NBAS: variants seen among roughly 807,000 people sequenced by gnomAD.
The protein encoded by NBAS is NAG/BC035112 fusion.
NBAS carries 219 observed loss-of-function variants against 302.5 expected under a neutral mutation model. The ratio of observed to expected loss-of-function variants is 0.72; its 90% CI spans 0.65 to 0.81. The LOEUF is 0.81. NBAS is among the 30% of genes least tolerant of loss of function. NBAS has a pLI of 0.00. For synonymous variants in NBAS, 1,118 were observed against 1,021.6 expected, an observed-to-expected ratio of 1.09 and a Z score of -1.80; for missense variants, 2,932 against 2,841.6, an observed-to-expected ratio of 1.03 and a Z score of -0.72.
chr2:15,071,566 G>C, the NBAS span, among the ~76,000 whole-genome samples: 1 of 151,024 alleles, frequency 6.6e-6, no homozygotes, highest in African/African-American at 2.4e-5. Context: ...GGAGGTTGCA[G>C]TGAGCTGAGA....
At chr2:15,497,565 G>T (rs1305885985) in intron 11 of NBAS, among the ~76,000 whole-genome samples, 1 of 152,176 alleles carries the variant, frequency 6.6e-6, no homozygotes, top group Non-Finnish European at 1.5e-5. Context: ...GAAGAAAAAT[G>T]AGAAGCTATC....
At chr2:15,022,477 C>G in the NBAS span, among the ~76,000 whole-genome samples, 2 of 152,130 alleles carry the variant, frequency 1.3e-5, no homozygotes, top group Non-Finnish European at 2.9e-5. Flanking sequence ...CTTACTTAAC[C>G]TTTTCAACTA....
chr2:15,070,611 C>T, the NBAS span, among the ~76,000 whole-genome samples: 1 of 152,152 alleles, frequency 6.6e-6, no homozygotes, highest in East Asian at 1.9e-4. Context: ...TAGCAACACT[C>T]ATTCCCTTCC....
At chr2:15,041,140 C>T in the NBAS span, among the ~76,000 whole-genome samples, 256 of 152,320 alleles carry the variant, frequency 1.7e-3, 2 homozygotes, top group African/African-American at 5.7e-3. Flanking sequence ...TCAAGCCAGA[C>T]GGAGCTACCT....
chr2:15,377,851 T>C (rs1466074103), intron 30 of NBAS, among the ~76,000 whole-genome samples: 2 of 152,222 alleles, frequency 1.3e-5, no homozygotes, highest in African/African-American at 4.8e-5. Context: ...TGTAAAACTA[T>C]ATACAGGTAT....
chr2:14,916,034 G>A, the NBAS span, among the ~76,000 whole-genome samples: 1 of 152,050 alleles, frequency 6.6e-6, no homozygotes, highest in Non-Finnish European at 1.5e-5. Context: ...CCCAGTCTCA[G>A]GTATGTCTTT....
intron 40 of NBAS, among the ~76,000 whole-genome samples, chr2:15,306,625 C>T (rs889570860): frequency 1.3e-5 from 2 of 151,986 alleles, no homozygotes. Flanking sequence ...AAATATAAGA[C>T]CTGGAAATAA....
intron 31 of NBAS, 75 bp from the exon 32 acceptor site, chr2:15,366,768 G>A: frequency 1.5e-6 from 2 of 1,340,704 alleles, no homozygotes; most frequent in Non-Finnish European, 2.1e-6. Flanking sequence ...CCTAATGCAA[G>A]GCATCCAAAG....
intron 48 of NBAS, among the ~76,000 whole-genome samples, chr2:15,191,826 G>GAC (rs1204623518): frequency 6.6e-6 from 1 of 152,092 alleles, no homozygotes; most frequent in Non-Finnish European, 1.5e-5. Flanking sequence ...AAAAACTCAA[G>GAC]ACATCCATCC....
the NBAS span, among the ~76,000 whole-genome samples, chr2:15,117,698 C>A: frequency 5.9e-5 from 9 of 152,286 alleles, no homozygotes; most frequent in Non-Finnish European, 1.3e-4. Context: ...TGTTCATGGA[C>A]TCCTTTCTCT....
chr2:15,272,077 C>T (rs1227456854), intron 44 of NBAS, among the ~76,000 whole-genome samples: 1 of 152,172 alleles, frequency 6.6e-6, no homozygotes, highest in Non-Finnish European at 1.5e-5. Flanking sequence ...TCTAGGAATT[C>T]TGCAAATGTA....
intron 28 of NBAS, among the ~76,000 whole-genome samples, chr2:15,387,017 T>C (rs564046053): frequency 1.3e-5 from 2 of 152,130 alleles, no homozygotes; most frequent in Non-Finnish European, 2.9e-5. Flanking sequence ...TCAAAATCCA[T>C]AATAAAATAT....
the NBAS span, among the ~76,000 whole-genome samples, chr2:14,899,877 G>A: frequency 6.6e-6 from 1 of 152,206 alleles, no homozygotes; most frequent in African/African-American, 2.4e-5. Context: ...TCTCTCACCT[G>A]CTGACTGCTT....
At chr2:14,847,248 T>G in the NBAS span, among the ~76,000 whole-genome samples, 1 of 151,794 alleles carries the variant, frequency 6.6e-6, no homozygotes, top group East Asian at 1.9e-4. Flanking sequence ...CCGGGTGTGG[T>G]GGCAGGCACC....
At chr2:15,561,135 C>T in intron 1 of NBAS, 53 bp downstream of exon 1, 1 of 1,405,358 alleles carries the variant, frequency 7.1e-7, no homozygotes, top group Non-Finnish European at 9.8e-7. Flanking sequence ...CGTGGCTCTA[C>T]CCACGAAGCG....
rs759962708 is a variant in NBAS, at chr2:15,330,746, C to A, written c.4199G>T (p.Gly1400Val). ...AVQEDEVGVP[G>V]SNSADLLRWT... is the part of the protein sequence containing the mutation. ...GCGCAATAGGTCAGCTGAATTGCTACCTGGAACACCTACTTCATCCTGTAT... is the reference window on the plus strand; with the variant it reads ...GCGCAATAGGTCAGCTGAATTGCTAACTGGAACACCTACTTCATCCTGTAT... The change falls in exon 36 of 52, where the codon GGT (glycine) becomes GTT (valine). Residue 1400 changes from glycine to valine, a missense_variant. Transcript: ENST00000281513. 1 of 1,613,886 alleles carries A rather than the reference C, an allele frequency of 6.2e-7. No homozygotes were observed. Among genetic ancestry groups the A allele is most frequent in the Non-Finnish European group, 8.5e-7 (1 of 1,179,906 alleles).
the NBAS span, among the ~76,000 whole-genome samples, chr2:14,832,557 C>G: frequency 6.6e-6 from 1 of 152,162 alleles, no homozygotes; most frequent in African/African-American, 2.4e-5. Flanking sequence ...ATCGCTCCAC[C>G]ATTTATGGAC....
chr2:14,923,016 A>G, the NBAS span, among the ~76,000 whole-genome samples: 228 of 152,208 alleles, frequency 1.5e-3, no homozygotes, highest in African/African-American at 4.7e-3. Context: ...GCCGGGCGCC[A>G]TGGCAGGTGC....
the NBAS span, among the ~76,000 whole-genome samples, chr2:14,900,515 T>C: frequency 6.6e-6 from 1 of 152,236 alleles, no homozygotes; most frequent in African/African-American, 2.4e-5. Flanking sequence ...GGTTTGGTTA[T>C]GGTTTGGTTA....
Sources: allele counts gnomAD v4.1 joint callset (sites outside exome capture counted in the v4.1 genomes callset), GRCh38; gene constraint gnomAD v4.1.1; transcripts MANE v1.5; gene names NCBI Gene and HGNC (gene_info 2026-07-23, HGNC 2026-07-21).